NECTIN2: variants seen among roughly 807,000 people sequenced by gnomAD.
NECTIN2 encodes the protein nectin cell adhesion molecule 2, also known as nectin-2.
NECTIN2 carries 23 observed loss-of-function variants against 56.9 expected under a neutral mutation model. The observed-to-expected ratio is 0.40, with a 90% confidence interval of 0.29 to 0.57. NECTIN2 has a LOEUF of 0.57. Among genes scored for constraint, NECTIN2 ranks in the 20% least tolerant of loss-of-function variants. NECTIN2 has a pLI of 0.38. For missense variants in NECTIN2, 587 were observed against 718.3 expected (o/e 0.82, Z 2.09); for synonymous variants, 302 against 313.8 (o/e 0.96, Z 0.40).
rs1251941144 is a variant in NECTIN2 at position 44,888,415 on chromosome 19, T to G, written c.*36T>G. The G allele has an allele frequency of 6.3e-7, 1 of 1,591,406 alleles. No homozygotes were observed. Among genetic ancestry groups the G allele is most frequent in the South Asian group, 1.1e-5 (1 of 89,040 alleles). Reference sequence around the variant, plus strand: ...GCCTGGCGTCTCACATCTCACCTGTTGATCCCTTAGCTTTCTTGCCAAGGA... The same window carrying G: ...GCCTGGCGTCTCACATCTCACCTGTGGATCCCTTAGCTTTCTTGCCAAGGA... On this transcript the variant is annotated 3_prime_UTR_variant, in exon 9 of 9. Coordinates refer to ENST00000252483, the MANE Select transcript of NECTIN2 (RefSeq NM_001042724.2).
At position 44,846,588 on chromosome 19, in the gene NECTIN2, G is replaced by A. The variant is rs1033358957; in HGVS notation, c.63G>A (p.Leu21=). Reference sequence around the variant, plus strand: ...CGCCGACGCCGCTGCTGTGGCCGCTGCTGCTGCTGCTGCTCCTGGAAACCG... The same window carrying A: ...CGCCGACGCCGCTGCTGTGGCCGCTACTGCTGCTGCTGCTCCTGGAAACCG... ...RSPPTPLLWP[L]LLLLLLETGA... Residue 21 remains leucine, a synonymous_variant, in exon 1 of 9, where the codon CTG becomes CTA. Coordinates refer to ENST00000252483, the MANE Select transcript of NECTIN2 (RefSeq NM_001042724.2). 10 of 1,525,010 alleles carry A rather than the reference G, an allele frequency of 6.6e-6. No homozygotes were observed. The highest frequency in any genetic ancestry group is 2.6e-5 in the East Asian group (1 of 39,190). 94.5% of individuals were successfully genotyped at this position (1,525,010 alleles called of 1,614,324 possible). A position where few individuals can be genotyped will look rare whatever the true frequency, so the allele number is the denominator to read the frequency against.
In NECTIN2 at chr19:44,874,875, G is replaced by A. The variant is rs541583833; in HGVS notation, c.1042+397G>A. Among the ~76,000 whole-genome samples, 7 of 152,150 alleles carry A rather than the reference G, an allele frequency of 4.6e-5. No homozygotes were observed. In the East Asian group the frequency reaches 5.8e-4, roughly 13 times the overall value. ...GCTCCCACCCCCAGAAACACAATCC[G>A]GCCCCAAGGCACGGAGCCAAAGAGG... On this transcript the variant is annotated intron_variant, in intron 5 of 8. Coordinates refer to ENST00000252483, the MANE Select transcript of NECTIN2 (RefSeq NM_001042724.2). This position sits in a 1 kb window ranked among gnomAD's most constrained non-coding sequence, Gnocchi z 6.3.
intron 5 of NECTIN2, among the ~76,000 whole-genome samples, chr19:44,879,919 A>G (rs1055749507): frequency 2.0e-5 from 3 of 152,210 alleles, no homozygotes; most frequent in Admixed American, 2.0e-4. Flanking sequence ...GTGCACGGCC[A>G]TAATGACCAC....
At chr19:44,861,023 A>G (rs1969026904) in intron 1 of NECTIN2, among the ~76,000 whole-genome samples, 4 of 152,128 alleles carry the variant, frequency 2.6e-5, no homozygotes. Context: ...AAGAAGACAT[A>G]CAGGCAGCCA....
intron 5 of NECTIN2, among the ~76,000 whole-genome samples, chr19:44,877,758 A>C (rs927393946): frequency 6.6e-6 from 1 of 152,196 alleles, no homozygotes; most frequent in African/African-American, 2.4e-5. Context: ...AGATGGCACC[A>C]GGGTCCTGGC....
intron 5 of NECTIN2, among the ~76,000 whole-genome samples, chr19:44,879,785 G>A (rs112553372): frequency 1.2e-4 from 19 of 152,300 alleles, no homozygotes; most frequent in African/African-American, 4.6e-4. Context: ...GTGGGACCCA[G>A]TAAGGACATG....
intron 1 of NECTIN2, among the ~76,000 whole-genome samples, chr19:44,855,487 T>G (rs1164137100): frequency 6.6e-6 from 1 of 151,958 alleles, no homozygotes; most frequent in Non-Finnish European, 1.5e-5. Flanking sequence ...GTGAAGGGTG[T>G]GGGGCTCCAG....
intron 5 of NECTIN2, among the ~76,000 whole-genome samples, chr19:44,880,129 C>G (rs541398622): frequency 6.6e-6 from 1 of 152,190 alleles, no homozygotes; most frequent in African/African-American, 2.4e-5. Flanking sequence ...GTGACCCCCA[C>G]GGGCCCTTCC....
chr19:44,876,562 G>A (rs186465606), intron 5 of NECTIN2, among the ~76,000 whole-genome samples: 1 of 152,222 alleles, frequency 6.6e-6, no homozygotes, highest in Non-Finnish European at 1.5e-5. Flanking sequence ...TGCCCCGACA[G>A]CCACAGCCAG....
rs772090838 is a variant in NECTIN2, at chr19:44,874,763, C to T, written c.1042+285C>T. The stretch of plus-strand genomic sequence containing the variant: ...CTGGGTAGGGTCCTCACGAATAGAC[C>T]CGAGGAAGCTGCCCTGGGCTCCAGC... On this transcript the variant is annotated intron_variant, in intron 5 of 8. Coordinates refer to ENST00000252483, the MANE Select transcript of NECTIN2 (RefSeq NM_001042724.2). This position sits in a 1 kb window ranked among gnomAD's most constrained non-coding sequence, Gnocchi z 6.3. The T allele has an allele frequency of 8.2e-6, 3 of 364,092 alleles. No homozygotes were observed. Among genetic ancestry groups the T allele is most frequent in the Non-Finnish European group, 1.6e-5 (3 of 192,104 alleles). 22.6% of individuals were successfully genotyped at this position (364,092 alleles called of 1,614,324 possible).
At chr19:44,884,635 G>A (rs1286617030) in intron 6 of NECTIN2, among the ~76,000 whole-genome samples, 1 of 152,240 alleles carries the variant, frequency 6.6e-6, no homozygotes, top group Non-Finnish European at 1.5e-5. Context: ...ATATGGAGGA[G>A]GAGACAAAAC....
At chr19:44,878,199 AC>A (rs1448319832) in intron 5 of NECTIN2, 1 of 617,418 alleles carries the variant, frequency 1.6e-6, no homozygotes, top group Non-Finnish European at 2.9e-6. Context: ...TCTCTCTCTC[AC>A]CCCTCCTTCT....
At chr19:44,876,036 C>T (rs112774186) in intron 5 of NECTIN2, among the ~76,000 whole-genome samples, 6 of 152,120 alleles carry the variant, frequency 3.9e-5, no homozygotes, top group African/African-American at 9.7e-5. Context: ...GACCCTCAGA[C>T]GGAAAATCAA....
At chr19:44,871,767 G>C (rs1599920986) in intron 2 of NECTIN2, 86 bp from the exon 3 acceptor site, 3 of 1,443,702 alleles carry the variant, frequency 2.1e-6, no homozygotes, top group South Asian at 2.7e-5. Context: ...CCGGCAGTTA[G>C]GGCCTAACCA....
At chr19:44,884,998 CTTTT>C in intron 6 of NECTIN2, among the ~76,000 whole-genome samples, 1 of 150,996 alleles carries the variant, frequency 6.6e-6, no homozygotes, top group East Asian at 1.9e-4. Flanking sequence ...CTTTTCTTTT[CTTTT>C]TTTTTCTTTT....
rs138153191 is a variant in NECTIN2, at chr19:44,872,110, G to C, written c.736G>C (p.Glu246Gln). 24 of 1,614,026 alleles carry C rather than the reference G, an allele frequency of 1.5e-5. No individual in the cohort carries two copies. In the Admixed American group the frequency reaches 2.3e-4, roughly 16 times the overall value. Residue 246 changes from glutamate (E) to glutamine (Q), a missense_variant, in exon 3 of 9, where the codon GAG becomes CAG. Transcript: ENST00000252483. ...CTGCAAAGTGGAGCATGAGAGCTTC[G>C]AGGAACCAGCCCTGATACCTGTGAC... ...VTCKVEHESFEEPALIPVTLS... is the reference protein window; with the variant it reads ...VTCKVEHESFQEPALIPVTLS...
chr19:44,852,115 T>A (rs1395610746), intron 1 of NECTIN2, among the ~76,000 whole-genome samples: 1 of 152,010 alleles, frequency 6.6e-6, no homozygotes, highest in Non-Finnish European at 1.5e-5. Flanking sequence ...TCTTTTTTCT[T>A]TTTTTTCTTT....
chr19:44,846,488 G>A lies in NECTIN2; in HGVS notation c.-38G>A, dbSNP rs1045362310. The A allele has an allele frequency of 2.1e-6, 3 of 1,423,092 alleles. No individual in the cohort carries two copies. Among genetic ancestry groups the A allele is most frequent in the African/African-American group, 3.0e-5 (2 of 65,982 alleles). 88.2% of individuals were successfully genotyped at this position (1,423,092 alleles called of 1,614,324 possible). On this transcript the variant is annotated 5_prime_UTR_variant, in exon 1 of 9. Transcript: ENST00000252483. ...GATCGGCCCCCACAGAGTGGCCCGC[G>A]GGCCTCCGGCCGGGCCCAGTCCCCT... is the stretch of plus-strand genomic sequence containing the variant.
intron 1 of NECTIN2, among the ~76,000 whole-genome samples, chr19:44,851,004 G>A (rs891943871): frequency 6.6e-6 from 1 of 152,020 alleles, no homozygotes; most frequent in Non-Finnish European, 1.5e-5. Context: ...TCCTCCCCTA[G>A]ACCCAGGTGT....
Sources: allele counts gnomAD v4.1 joint callset (sites outside exome capture counted in the v4.1 genomes callset), GRCh38; gene constraint gnomAD v4.1.1; non-coding constraint Gnocchi (gnomAD v3.1); transcripts MANE v1.5; gene names NCBI Gene and HGNC (gene_info 2026-07-23, HGNC 2026-07-21).